Variants in ABCG5 observed in about 807,000 individuals in gnomAD.
The protein encoded by ABCG5 is ATP-binding cassette sub-family G member 5.
Under a neutral mutation model 64.5 loss-of-function variants are expected in ABCG5, and 64 were observed. The ratio of observed to expected loss-of-function variants is 0.99; its 90% CI spans 0.81 to 1.22. The LOEUF is 1.22. Ranked by LOEUF, ABCG5 falls within the 50% of genes most tolerant of loss-of-function variation. ABCG5 has a pLI of 0.00. For missense variants in ABCG5, 908 were observed against 829.5 expected (o/e 1.09, Z -1.16); for synonymous variants, 385 against 326.3 (o/e 1.18, Z -1.94).
At position 43,825,008 on chromosome 2, in the gene ABCG5, T is replaced by C. The variant is rs78070897; in HGVS notation, c.785A>G (p.Lys262Arg). 2.9e-3 allele frequency: 4,645 copies of C among 1,613,810 alleles called. 116 individuals are homozygous for C. The African/African-American group carries it at 0.055, about 19-fold the overall frequency. ...CTCTCCGAAGCTCAGGATGGCAATT[T>C]TGTCAAAGAGCTGACCAGACAACAG... ...PRSELFQLFDKIAILSFGELI... is the reference protein window; with the variant it reads ...PRSELFQLFDRIAILSFGELI... Residue 262 changes from lysine to arginine, a missense_variant, in exon 7 of 13, where the codon AAA (lysine) becomes AGA (arginine). Transcript: ENST00000405322.
At chr2:43,828,900 G>A (rs1447653267) in intron 4 of ABCG5, among the ~76,000 whole-genome samples, 1 of 129,056 alleles carries the variant, frequency 7.7e-6, no homozygotes, top group South Asian at 3.3e-4. Context: ...GGGAGGCCAA[G>A]GTTGCAGTGA....
At chr2:43,822,680 G>T in intron 10 of ABCG5, 117 bp downstream of exon 10, 2 of 1,565,796 alleles carry the variant, frequency 1.3e-6, no homozygotes, top group South Asian at 1.2e-5. Context: ...ACACTGATGG[G>T]CAAAGTGTAG....
At chr2:43,827,341 A>C (rs1319355853) in intron 5 of ABCG5, among the ~76,000 whole-genome samples, 2 of 151,678 alleles carry the variant, frequency 1.3e-5, no homozygotes, top group Non-Finnish European at 2.9e-5. Context: ...AAAAAAAAAA[A>C]AGTGACAAGA....
At position 43,813,120 on chromosome 2, in the gene ABCG5, C is replaced by T. The variant is rs759846565; in HGVS notation, c.1952G>A (p.Arg651Lys). 4 of 1,192,578 alleles carry T rather than the reference C, an allele frequency of 3.4e-6. No individual in the cohort carries two copies. Among genetic ancestry groups the T allele is most frequent in the East Asian group, 2.3e-5 (1 of 42,962 alleles). The allele number at this position is 1,192,578 out of a possible 1,614,324, so 73.9% of individuals were successfully genotyped here. A position where few individuals can be genotyped will look rare whatever the true frequency, so the allele number is the denominator to read the frequency against. The change falls in exon 13 of 13, where the codon AGG becomes AAG. Residue 651 changes from arginine to lysine, a missense_variant. Transcript: ENST00000405322. ...TTTTCCCAGCCATGGCTTTCACTAC[C>T]TGCTAATGAGATGATCCCTTATTTT... ...VFKIRDHLIS[R>K]
downstream of ABCG5, among the ~76,000 whole-genome samples, chr2:43,810,833 G>C (rs541595884): frequency 4.6e-5 from 7 of 152,152 alleles, no homozygotes; most frequent in Non-Finnish European, 8.8e-5. Flanking sequence ...TGAACATTAT[G>C]ATCTCAGAAA....
intron 7 of ABCG5, 188 bp from the exon 8 acceptor site, chr2:43,824,620 G>A (rs1467724340): frequency 1.0e-6 from 1 of 985,324 alleles, no homozygotes; most frequent in Non-Finnish European, 1.2e-6. Context: ...ATCCCATTGG[G>A]ATTGTCTGGG....
At chr2:43,837,069 T>A (rs1232898446) in intron 2 of ABCG5, among the ~76,000 whole-genome samples, 1 of 149,602 alleles carries the variant, frequency 6.7e-6, no homozygotes, top group South Asian at 2.1e-4. Context: ...CCAGATAAGA[T>A]CTGATAAGGC....
chr2:43,822,504 G>A, intron 10 of ABCG5: 1 of 940,698 alleles, frequency 1.1e-6, no homozygotes, highest in South Asian at 5.1e-5. Context: ...CTGGGTCCTA[G>A]CTACTTCAGA....
chr2:43,824,439 GT>G lies in ABCG5; in HGVS notation c.905-8del, dbSNP rs1667460984. On this transcript the variant is annotated splice_polypyrimidine_tract_variant and splice_region_variant and intron_variant, in intron 7 of 12. Transcript: ENST00000405322. The stretch of plus-strand genomic sequence containing the variant: ...TCCACTGACGTCAGGTCCACTAAAA[GT>G]TTTTCCCAAAAGATGTCACCCATGT... 2 of 1,613,228 alleles carry G rather than the reference GT, an allele frequency of 1.2e-6. No individual in the cohort carries two copies. Among genetic ancestry groups the G allele is most frequent in the Admixed American group, 1.7e-5 (1 of 59,992 alleles).
At chr2:43,832,472 G>T (rs1213481159) in intron 2 of ABCG5, 2 of 293,992 alleles carry the variant, frequency 6.8e-6, no homozygotes, top group African/African-American at 4.3e-5. Flanking sequence ...TCCTAGGACG[G>T]ATTTCTTTTT....
intron 8 of ABCG5, 27 bp downstream of exon 8, chr2:43,824,192 C>G (rs550689927): frequency 6.2e-7 from 1 of 1,614,000 alleles, no homozygotes; most frequent in East Asian, 2.2e-5. Context: ...CTCTAACAGG[C>G]ATTTCTCACA....
In ABCG5 at chr2:43,822,870, T is replaced by C; in HGVS notation, c.1390A>G (p.Met464Val). The stretch of plus-strand genomic sequence containing the variant: ...AGGACGTGCAGTGCATAGGCCAGCA[T>C]CATCTGCCACTTCTGGTAGAGGCCG... The part of the protein sequence containing the change: ...QDGLYQKWQM[M>V]LAYALHVLPF... The change falls in exon 10 of 13, where the codon ATG becomes GTG. Residue 464 changes from methionine (M) to valine (V), a missense_variant. Transcript: ENST00000405322. 6.2e-7 allele frequency: 1 copy of C among 1,614,144 alleles called. No homozygotes were observed.
At chr2:43,807,193 G>C in the ABCG5 span, among the ~76,000 whole-genome samples, 1 of 152,046 alleles carries the variant, frequency 6.6e-6, no homozygotes, top group Non-Finnish European at 1.5e-5. Context: ...GTGCTGTGAA[G>C]TCAGTCCTCA....
chr2:43,810,423 T>A (rs1666441711), downstream of ABCG5: 1 of 985,394 alleles, frequency 1.0e-6, no homozygotes, highest in South Asian at 4.7e-5. Context: ...GGACAAAACA[T>A]CATGTGTTGC....
At chr2:43,828,164 A>G (rs1667738054) in intron 4 of ABCG5, 49 bp from the exon 5 acceptor site, 2 of 1,612,110 alleles carry the variant, frequency 1.2e-6, no homozygotes, top group Admixed American at 1.7e-5. Flanking sequence ...TGTGGCTGCT[A>G]TTTCAATTCA....
intron 8 of ABCG5, 35 bp downstream of exon 8, chr2:43,824,184 C>G: frequency 1.2e-6 from 2 of 1,614,062 alleles, no homozygotes; most frequent in Middle Eastern, 1.6e-4. Context: ...CTAAAGACCT[C>G]TAACAGGCAT....
At chr2:43,832,110 G>A in intron 2 of ABCG5, 27 bp from the exon 3 acceptor site, 1 of 1,567,236 alleles carries the variant, frequency 6.4e-7, no homozygotes, top group Non-Finnish European at 8.6e-7. Context: ...GAAGGCCCTA[G>A]AGGAACCACT....
In ABCG5 at chr2:43,838,635, G is replaced by A. The variant is rs932531973; in HGVS notation, c.45C>T (p.Leu15=). ...SSLTPGGSMG[L]QVNRGSQSSL... is the part of the protein sequence containing the mutation. ...AGCTCTGGGAGCCTCTGTTTACTTGGAGACCCATGGACCCTCCGGGGGTCA... is the reference window on the plus strand; with the variant it reads ...AGCTCTGGGAGCCTCTGTTTACTTGAAGACCCATGGACCCTCCGGGGGTCA... Residue 15 remains leucine (L), a synonymous_variant, in exon 1 of 13, where the codon CTC becomes CTT. Transcript: ENST00000405322. The surrounding 1 kb of genome is among the most constrained non-coding windows in gnomAD (Gnocchi z 4.2). 8.7e-6 allele frequency: 14 copies of A among 1,613,546 alleles called. No individual in the cohort carries two copies. Among genetic ancestry groups the A allele is most frequent in the Non-Finnish European group, 1.2e-5 (14 of 1,179,934 alleles).
chr2:43,826,523 T>G lies in ABCG5; in HGVS notation c.635-2A>C. The stretch of plus-strand genomic sequence containing the variant: ...TTGGCTCATCAAACAGCATGACCTC[T>G]GCCAGCAAAGAAGGGCCAGACTTCT... On this transcript the variant is annotated splice_acceptor_variant, in intron 5 of 12. Transcript: ENST00000405322. LOFTEE classifies it high-confidence loss of function. 2 of 1,614,222 alleles carry G rather than the reference T, an allele frequency of 1.2e-6. No individual in the cohort carries two copies. Among genetic ancestry groups the G allele is most frequent in the Non-Finnish European group, 1.7e-6 (2 of 1,180,040 alleles).
Sources: allele counts gnomAD v4.1 joint callset (sites outside exome capture counted in the v4.1 genomes callset), GRCh38; gene constraint gnomAD v4.1.1; non-coding constraint Gnocchi (gnomAD v3.1); transcripts MANE v1.5; gene names NCBI Gene and HGNC (gene_info 2026-07-23, HGNC 2026-07-21).